The following LRRC4C variants were observed in gnomAD, a reference collection of about 807,000 sequenced individuals.
LRRC4C encodes leucine-rich repeat-containing protein 4C.
A neutral mutation model predicts 33.6 loss-of-function variants in LRRC4C; 5 were observed. That is an observed-to-expected ratio of 0.15 (90% CI 0.08 to 0.31). The LOEUF (loss-of-function observed/expected upper bound fraction) is 0.31, where lower values mean the gene tolerates loss of function less well. LRRC4C is among the 10% of genes least tolerant of loss of function. The pLI is 1.00. For missense variants in LRRC4C, 560 were observed against 796.7 expected (o/e 0.70, Z 3.58); for synonymous variants, 329 against 302.0 (o/e 1.09, Z -0.93).
intron 5 of LRRC4C, among the ~76,000 whole-genome samples, chr11:40,231,587 C>A (rs1865204847): frequency 6.6e-6 from 1 of 152,144 alleles, no homozygotes; most frequent in African/African-American, 2.4e-5. Flanking sequence ...ATTTAATTCT[C>A]CCAATAACCC....
chr11:41,199,647 C>A (rs1946324624), intron 1 of LRRC4C, among the ~76,000 whole-genome samples: 1 of 152,106 alleles, frequency 6.6e-6, no homozygotes, highest in South Asian at 2.1e-4. Context: ...CATTTAATTT[C>A]TTATATTTCC....
intron 2 of LRRC4C, among the ~76,000 whole-genome samples, chr11:40,787,956 G>A (rs1195820250): frequency 2.6e-5 from 4 of 152,108 alleles, no homozygotes; most frequent in Admixed American, 1.3e-4. Context: ...TGTTGTTCTT[G>A]TTATTACCAT....
chr11:40,498,019 A>T (rs1318956955), intron 3 of LRRC4C, among the ~76,000 whole-genome samples: 4 of 152,242 alleles, frequency 2.6e-5, no homozygotes, highest in Non-Finnish European at 1.5e-5. Flanking sequence ...AATCTTATTT[A>T]AATCGACTTA....
At chr11:40,893,096 C>T (rs1166664394) in intron 2 of LRRC4C, among the ~76,000 whole-genome samples, 2 of 151,818 alleles carry the variant, frequency 1.3e-5, no homozygotes, top group Non-Finnish European at 2.9e-5. Context: ...GACTGAAGGA[C>T]ATTATGTTAA....
chr11:40,496,268 T>C (rs1449052341), intron 3 of LRRC4C, among the ~76,000 whole-genome samples: 5 of 73,576 alleles, frequency 6.8e-5, no homozygotes, highest in Non-Finnish European at 1.8e-4. Context: ...TAATCTCTAT[T>C]AGTTGTCTTT....
intron 1 of LRRC4C, among the ~76,000 whole-genome samples, chr11:41,182,019 C>T (rs1590861379): frequency 6.6e-6 from 1 of 152,136 alleles, no homozygotes; most frequent in African/African-American, 2.4e-5. Flanking sequence ...ATAAGTGCAT[C>T]CCAATTCACA....
intron 3 of LRRC4C, among the ~76,000 whole-genome samples, chr11:40,462,454 A>G (rs1194638828): frequency 6.6e-6 from 1 of 152,050 alleles, no homozygotes; most frequent in Non-Finnish European, 1.5e-5. Context: ...TAAAAATAAC[A>G]TGAACCTCGA....
chr11:41,222,789 T>C (rs1477036084), intron 1 of LRRC4C: 5 of 131,770 alleles, frequency 3.8e-5, no homozygotes, highest in Admixed American at 2.8e-4. Context: ...ATGGAGAAAG[T>C]GGCTCACCTG....
rs538854877 is a variant in LRRC4C at position 41,024,242 on chromosome 11, A to G, written c.-495-90519T>C. ...GCAAGAACAGGTATATGAAATAAAT[A>G]TAATTGTTTTTACATCCTGATAAAA... On this transcript the variant is annotated intron_variant, in intron 1 of 6. Coordinates refer to ENST00000528697, the MANE Select transcript of LRRC4C (RefSeq NM_001258419.2). Among the ~76,000 whole-genome samples the G allele has an allele frequency of 2.0e-5, 3 of 151,880 alleles. No individual in the cohort carries two copies. The South Asian group carries it at 6.2e-4, about 31-fold the overall frequency.
chr11:40,175,085 T>C (rs1242427939), intron 5 of LRRC4C, among the ~76,000 whole-genome samples: 2 of 152,218 alleles, frequency 1.3e-5, no homozygotes, highest in Non-Finnish European at 1.5e-5. Context: ...CCATGTAAGA[T>C]AATATCAGCT....
At chr11:40,683,153 G>A (rs1944784359) in intron 2 of LRRC4C, among the ~76,000 whole-genome samples, 1 of 152,188 alleles carries the variant, frequency 6.6e-6, no homozygotes, top group Non-Finnish European at 1.5e-5. Context: ...ATGCGGGAAA[G>A]CAGCAAAGGC....
intron 4 of LRRC4C, among the ~76,000 whole-genome samples, chr11:40,306,193 T>C (rs1945021385): frequency 6.6e-6 from 1 of 152,232 alleles, no homozygotes; most frequent in African/African-American, 2.4e-5. Context: ...GAAAATGTCA[T>C]TTTGTCCTTA....
intron 2 of LRRC4C, among the ~76,000 whole-genome samples, chr11:40,932,333 T>C (rs936770631): frequency 1.3e-5 from 2 of 152,114 alleles, no homozygotes; most frequent in African/African-American, 4.8e-5. Flanking sequence ...AGATCCTTCT[T>C]CTATGGAATT....
intron 3 of LRRC4C, among the ~76,000 whole-genome samples, chr11:40,469,491 TTG>T (rs1388997218): frequency 6.6e-6 from 1 of 152,082 alleles, no homozygotes; most frequent in Admixed American, 6.6e-5. Context: ...CAGGAATTTT[TTG>T]TCATGCCCCA....
chr11:40,806,029 C>T (rs533932852), intron 2 of LRRC4C, among the ~76,000 whole-genome samples: 1 of 152,288 alleles, frequency 6.6e-6, no homozygotes, highest in African/African-American at 2.4e-5. Context: ...ATGTCCCACC[C>T]AGCTTCAGTA....
chr11:40,383,758 C>G (rs897943861), intron 3 of LRRC4C, among the ~76,000 whole-genome samples: 1 of 151,734 alleles, frequency 6.6e-6, no homozygotes, highest in African/African-American at 2.4e-5. Flanking sequence ...TATCATGGCT[C>G]ACTGCAGCCT....
At chr11:40,646,817 A>G (rs1205179632) in intron 3 of LRRC4C, among the ~76,000 whole-genome samples, 1 of 152,172 alleles carries the variant, frequency 6.6e-6, no homozygotes, top group Non-Finnish European at 1.5e-5. Context: ...CGTGTTAGCC[A>G]GGATGGTCTC....
intron 3 of LRRC4C, among the ~76,000 whole-genome samples, chr11:40,633,090 A>T (rs569130921): frequency 3.9e-5 from 6 of 152,202 alleles, no homozygotes; most frequent in African/African-American, 1.4e-4. Context: ...ACTAACATTT[A>T]TTATTTAATA....
In LRRC4C at chr11:40,130,680, C is replaced by A. The variant is rs369672563; in HGVS notation, c.-43+10121G>T. 5.1e-4 allele frequency among the ~76,000 whole-genome samples: 77 copies of A among 152,256 alleles called. 2 individuals carry two copies. The South Asian group carries it at 0.016, about 31-fold the overall frequency. ...ATGTCCCCTGGGGGGCAAAACTGTC[C>A]TCTTTGAAAACCACTGCCTTTGTGT... is the stretch of plus-strand genomic sequence containing the variant. On this transcript the variant is annotated intron_variant, in intron 6 of 6. Transcript: ENST00000528697.
Sources: allele counts gnomAD v4.1 joint callset (sites outside exome capture counted in the v4.1 genomes callset), GRCh38; gene constraint gnomAD v4.1.1; transcripts MANE v1.5; gene names NCBI Gene and HGNC (gene_info 2026-07-23, HGNC 2026-07-21).